Variants in SCIN observed in about 807,000 individuals in gnomAD.
The protein encoded by SCIN is scinderin, also known as adseverin.
A neutral mutation model predicts 91.8 loss-of-function variants in SCIN; 91 were observed. The observed-to-expected ratio is 0.99, with a 90% CI of 0.84 to 1.18. The LOEUF is 1.18. Among genes scored for constraint, SCIN ranks in the 50% most tolerant of loss-of-function variants. SCIN has a pLI of 0.00. For missense variants in SCIN, 1,087 were observed against 863.9 expected, an observed-to-expected ratio of 1.26 and a Z score of -3.24; for synonymous variants, 367 against 312.6, an observed-to-expected ratio of 1.17 and a Z score of -1.84.
rs1169201133 is a variant in SCIN, at chr7:12,570,755, AC to A, written c.-31del. 5 of 1,544,564 alleles carry A rather than the reference AC, an allele frequency of 3.2e-6. No homozygotes were observed. In the African/African-American group the frequency reaches 6.9e-5, roughly 21 times the overall value. On this transcript the variant is annotated 5_prime_UTR_variant, in exon 1 of 16. Transcript: ENST00000297029. ...GGTTTAGTCCAAGATCAGCGATATCACGCGTCCCCCGGAGCATCGCGTGCAG... is the reference window on the plus strand; with the variant it reads ...GGTTTAGTCCAAGATCAGCGATATCAGCGTCCCCCGGAGCATCGCGTGCAG...
In SCIN at chr7:12,591,849, T is replaced by A. The variant is rs567306514; in HGVS notation, c.516+10628T>A. On this transcript the variant is annotated intron_variant, in intron 3 of 15. Coordinates refer to ENST00000297029, the MANE Select transcript of SCIN (RefSeq NM_001112706.3). ...GGGGAAAGTTGAATTCCTAAGTAAG[T>A]CATCATGGAGATGGAGAGTTGGGCC... is the stretch of plus-strand genomic sequence containing the variant. 4.6e-5 allele frequency among the ~76,000 whole-genome samples: 7 copies of A among 152,224 alleles called. No homozygotes were observed. In the South Asian group the frequency reaches 1.5e-3, roughly 32 times the overall value.
chr7:12,636,679 G>A (rs932631868), intron 10 of SCIN, among the ~76,000 whole-genome samples: 1 of 152,216 alleles, frequency 6.6e-6, no homozygotes, highest in Non-Finnish European at 1.5e-5. Context: ...AAGCCAGACA[G>A]AGTCAGAGGG....
At chr7:12,610,741 A>G (rs1253570384) in intron 4 of SCIN, among the ~76,000 whole-genome samples, 1 of 152,166 alleles carries the variant, frequency 6.6e-6, no homozygotes, top group Non-Finnish European at 1.5e-5. Context: ...GATAATTCAA[A>G]TATTCTGCTC....
intron 3 of SCIN, among the ~76,000 whole-genome samples, chr7:12,583,717 T>C (rs1453262484): frequency 6.6e-6 from 1 of 152,066 alleles, no homozygotes; most frequent in East Asian, 1.9e-4. Context: ...GGTAGACAGG[T>C]TGTAGTTCTT....
chr7:12,612,128 T>C (rs1783205025), intron 4 of SCIN, among the ~76,000 whole-genome samples: 1 of 152,200 alleles, frequency 6.6e-6, no homozygotes, highest in Non-Finnish European at 1.5e-5. Flanking sequence ...AGTTTTAGCT[T>C]CCTTATTTAT....
At chr7:12,590,734 GTCC>G (rs1782703757) in intron 3 of SCIN, among the ~76,000 whole-genome samples, 1 of 152,098 alleles carries the variant, frequency 6.6e-6, no homozygotes, top group African/African-American at 2.4e-5. Flanking sequence ...CCTGTTCGAT[GTCC>G]TCAACAGTGT....
At chr7:12,644,017 A>T in intron 11 of SCIN, 121 bp from the exon 12 acceptor site, 1 of 874,292 alleles carries the variant, frequency 1.1e-6, no homozygotes, top group Non-Finnish European at 1.8e-6. Context: ...GCTCTGAATT[A>T]ATTTCCTGGG....
At chr7:12,571,020 C>T (rs1562589844) in intron 1 of SCIN, 35 bp downstream of exon 1, 1 of 1,532,964 alleles carries the variant, frequency 6.5e-7, no homozygotes, top group East Asian at 2.5e-5. Context: ...CCCGACGCAC[C>T]AAGGCCGGCG....
chr7:12,599,876 G>C (rs1055104416), intron 3 of SCIN, among the ~76,000 whole-genome samples: 10 of 151,994 alleles, frequency 6.6e-5, no homozygotes, highest in African/African-American at 2.2e-4. Flanking sequence ...GTTTCTTGCT[G>C]ATGTGTTTTT....
At position 12,657,107 on chromosome 7, in the gene SCIN, T is replaced by C. The variant is rs1385394415; in HGVS notation, c.*4392T>C. ...AATGGGTTTGAACAGTTTTTGTATT[T>C]TCTACTAAAATGAACATACACATAT... On this transcript the variant is annotated 3_prime_UTR_variant, in exon 16 of 16. Coordinates refer to ENST00000297029, the MANE Select transcript of SCIN (RefSeq NM_001112706.3). 1 of 151,884 alleles carries C rather than the reference T, an allele frequency of 6.6e-6. No homozygotes were observed. Among genetic ancestry groups the C allele is most frequent in the Non-Finnish European group, 1.5e-5 (1 of 67,976 alleles). The allele number at this position is 151,884 out of a possible 1,614,324, so 9.4% of individuals were successfully genotyped here. A position where few individuals can be genotyped will look rare whatever the true frequency, so the allele number is the denominator to read the frequency against.
At chr7:12,589,672 C>A (rs80084699) in intron 3 of SCIN, 1 of 152,188 alleles carries the variant, frequency 6.6e-6, no homozygotes, top group African/African-American at 2.4e-5. Context: ...AGTGTCACTG[C>A]TGCTTAAAGA....
intron 3 of SCIN, among the ~76,000 whole-genome samples, chr7:12,603,165 G>A (rs1472979378): frequency 6.6e-6 from 1 of 150,674 alleles, no homozygotes; most frequent in African/African-American, 2.4e-5. Context: ...TTTTTTTTGA[G>A]ACAGTGTCTC....
intron 10 of SCIN, among the ~76,000 whole-genome samples, chr7:12,638,673 A>C (rs1783800084): frequency 6.6e-6 from 1 of 152,216 alleles, no homozygotes; most frequent in African/African-American, 2.4e-5. Context: ...ATAAAGTATA[A>C]GATGTGAAGG....
chr7:12,619,788 G>A (rs908760256), intron 4 of SCIN, among the ~76,000 whole-genome samples: 8 of 151,944 alleles, frequency 5.3e-5, no homozygotes, highest in African/African-American at 1.9e-4. Flanking sequence ...GAAGTTTTGG[G>A]TCAGTGGGAG....
In SCIN at chr7:12,657,538, G is replaced by GTATATATA. The variant is rs1174371206; in HGVS notation, c.*4851_*4858dup. 105 of 27,590 alleles carry GTATATATA rather than the reference G, an allele frequency of 3.8e-3. 1 individual carries two copies. The highest frequency in any genetic ancestry group is 5.6e-3 in the Non-Finnish European group (65 of 11,578). 1.7% of individuals were successfully genotyped at this position (27,590 alleles called of 1,614,324 possible). ...ATTTTTAAGTTTTATATATGTGTGT[G>GTATATATA]TATATATATATATATATATATATAT... is the stretch of plus-strand genomic sequence containing the variant. On this transcript the variant is annotated 3_prime_UTR_variant, in exon 16 of 16. Coordinates refer to ENST00000297029, the MANE Select transcript of SCIN (RefSeq NM_001112706.3).
At chr7:12,599,954 T>A (rs1228079881) in intron 3 of SCIN, among the ~76,000 whole-genome samples, 1 of 152,176 alleles carries the variant, frequency 6.6e-6, no homozygotes, top group East Asian at 1.9e-4. Context: ...TTTCTCCCAT[T>A]CTGTGGGTTG....
At chr7:12,577,700 T>A (rs938742181) in intron 1 of SCIN, 4 of 413,408 alleles carry the variant, frequency 9.7e-6, no homozygotes, top group African/African-American at 8.3e-5. Flanking sequence ...AAACACTTTT[T>A]TGAGAATTAG....
At position 12,640,378 on chromosome 7, in the gene SCIN, A is replaced by G. The variant is rs1185528161; in HGVS notation, c.1442A>G (p.His481Arg). 1 of 1,609,192 alleles carries G rather than the reference A, an allele frequency of 6.2e-7. No homozygotes were observed. The highest frequency in any genetic ancestry group is 1.1e-5 in the South Asian group (1 of 90,058). The stretch of plus-strand genomic sequence containing the variant: ...GTCTCCCAAGGCAAAGAGCCTGTTC[A>G]CCTACTGAGTTTGTTCAAAGACAAA... ...IRVSQGKEPV[H>R]LLSLFKDKPL... The change falls in exon 11 of 16, where the codon CAC (histidine) becomes CGC (arginine). Residue 481 changes from histidine to arginine, a missense_variant. Physicochemically the swap from His to Arg is conservative, Grantham distance 29. Coordinates refer to ENST00000297029, the MANE Select transcript of SCIN (RefSeq NM_001112706.3).
intron 3 of SCIN, among the ~76,000 whole-genome samples, chr7:12,600,794 A>T (rs1782941913): frequency 6.6e-6 from 1 of 152,086 alleles, no homozygotes; most frequent in Non-Finnish European, 1.5e-5. Context: ...CACACCTGAG[A>T]TTTCCTAAGG....
Sources: gnomAD v4.1 joint callset for allele counts (sites outside exome capture counted in the v4.1 genomes callset) on GRCh38, gnomAD v4.1.1 for gene constraint, MANE v1.5 for transcripts, NCBI Gene and HGNC (gene_info 2026-07-23, HGNC 2026-07-21) for gene names.